Variants in UNC13C observed in about 807,000 individuals in gnomAD.
UNC13C encodes unc-13 homolog C.
In UNC13C, 174 loss-of-function variants were observed where a neutral mutation model predicts 245.4. The ratio of observed to expected loss-of-function variants is 0.71; its 90% CI spans 0.63 to 0.80. The LOEUF is 0.80. UNC13C is among the 30% of genes least tolerant of loss of function. The pLI is 0.00. For missense variants in UNC13C, 2,829 were observed against 2,602.9 expected (o/e 1.09, Z -1.89); for synonymous variants, 992 against 895.1 (o/e 1.11, Z -1.93).
At chr15:54,285,043 A>T (rs1371866017) in intron 10 of UNC13C, among the ~76,000 whole-genome samples, 1 of 152,156 alleles carries the variant, frequency 6.6e-6, no homozygotes, top group African/African-American at 2.4e-5. Flanking sequence ...CTTTGTTTCT[A>T]TGATCTGTTA....
chr15:54,060,558 G>A (rs1897769390), intron 2 of UNC13C, among the ~76,000 whole-genome samples: 1 of 152,196 alleles, frequency 6.6e-6, no homozygotes, highest in Non-Finnish European at 1.5e-5. Flanking sequence ...AAGTCGGTGT[G>A]GTGATTCCTC....
chr15:54,629,359 A>C (rs1901392055), downstream of UNC13C: 1 of 152,114 alleles, frequency 6.6e-6, no homozygotes, highest in African/African-American at 2.4e-5. Context: ...TGACAAAATA[A>C]TCTACACCAA....
intron 4 of UNC13C, among the ~76,000 whole-genome samples, chr15:54,205,125 G>C (rs941267360): frequency 6.6e-6 from 1 of 151,988 alleles, no homozygotes; most frequent in Non-Finnish European, 1.5e-5. Flanking sequence ...CTAACGGTCT[G>C]TTAAATCAGA....
At chr15:54,616,991 A>G (rs548337754) in intron 30 of UNC13C, among the ~76,000 whole-genome samples, 2 of 152,246 alleles carry the variant, frequency 1.3e-5, no homozygotes, top group South Asian at 2.1e-4. Flanking sequence ...TATTCAGTAC[A>G]GTAACATACT....
intron 29 of UNC13C, among the ~76,000 whole-genome samples, chr15:54,562,601 G>T (rs1040799808): frequency 1.1e-4 from 16 of 151,982 alleles, no homozygotes; most frequent in African/African-American, 3.9e-4. Flanking sequence ...AATTTTTGAT[G>T]AATGTGTCAA....
intron 19 of UNC13C, among the ~76,000 whole-genome samples, chr15:54,437,308 A>G (rs1407481627): frequency 6.6e-6 from 1 of 151,984 alleles, no homozygotes; most frequent in Admixed American, 6.6e-5. Context: ...CAAGCTTTAC[A>G]TACATATTCA....
At chr15:54,530,281 T>C (rs1290020690) in intron 25 of UNC13C, among the ~76,000 whole-genome samples, 1 of 152,132 alleles carries the variant, frequency 6.6e-6, no homozygotes, top group Non-Finnish European at 1.5e-5. Flanking sequence ...CTTCATGGAG[T>C]TGCCATTTGT....
At chr15:53,922,723 T>G in the UNC13C span, among the ~76,000 whole-genome samples, 1 of 152,198 alleles carries the variant, frequency 6.6e-6, no homozygotes, top group African/African-American at 2.4e-5. Context: ...CAACAGAGCA[T>G]GCAATATTGA....
intron 1 of UNC13C, among the ~76,000 whole-genome samples, chr15:54,005,076 G>C (rs544241618): frequency 6.6e-6 from 1 of 152,112 alleles, no homozygotes; most frequent in African/African-American, 2.4e-5. Flanking sequence ...GCTTCTTAAT[G>C]TTCTCTCTAC....
At chr15:53,856,360 C>T in the UNC13C span, among the ~76,000 whole-genome samples, 1 of 140,164 alleles carries the variant, frequency 7.1e-6, no homozygotes, top group South Asian at 2.4e-4. Flanking sequence ...TTTGTGTGCT[C>T]TTGGTTCTCT....
chr15:54,188,635 A>G (rs969924736), intron 4 of UNC13C, among the ~76,000 whole-genome samples: 5 of 152,130 alleles, frequency 3.3e-5, no homozygotes, highest in African/African-American at 7.2e-5. Context: ...TAAGTACACT[A>G]TTGCCTTGCT....
At chr15:54,226,273 C>A (rs149680277) in intron 4 of UNC13C, among the ~76,000 whole-genome samples, 33 of 152,154 alleles carry the variant, frequency 2.2e-4, no homozygotes, top group African/African-American at 7.7e-4. Flanking sequence ...CATTTTTTGT[C>A]ATTTCTCTTC....
chr15:54,065,639 G>C (rs1413921664), intron 2 of UNC13C, among the ~76,000 whole-genome samples: 1 of 152,150 alleles, frequency 6.6e-6, no homozygotes, highest in East Asian at 1.9e-4. Context: ...CTTTAGGGTG[G>C]CTTTGCCATC....
At chr15:54,463,159 G>A (rs1307839031) in intron 19 of UNC13C, among the ~76,000 whole-genome samples, 2 of 149,670 alleles carry the variant, frequency 1.3e-5, no homozygotes, top group Non-Finnish European at 3.0e-5. Context: ...TCTAGCTCAA[G>A]GTTTGTAAAC....
the UNC13C span, among the ~76,000 whole-genome samples, chr15:53,967,527 A>G: frequency 6.6e-6 from 1 of 152,034 alleles, no homozygotes; most frequent in African/African-American, 2.4e-5. Context: ...AGGATTTTAT[A>G]TCTTTGTTTG....
chr15:54,187,550 C>G (rs1236885071), intron 4 of UNC13C, among the ~76,000 whole-genome samples: 3 of 152,120 alleles, frequency 2.0e-5, no homozygotes, highest in Non-Finnish European at 2.9e-5. Context: ...TCTGATACCC[C>G]TCTGCTCAGA....
chr15:54,219,001 A>T (rs1461816482), intron 4 of UNC13C, among the ~76,000 whole-genome samples: 1 of 152,092 alleles, frequency 6.6e-6, no homozygotes, highest in Non-Finnish European at 1.5e-5. Flanking sequence ...AAGAATCAAT[A>T]TCGTGAAAAT....
At chr15:54,082,523 T>A (rs1185510275) in intron 2 of UNC13C, among the ~76,000 whole-genome samples, 1 of 152,170 alleles carries the variant, frequency 6.6e-6, no homozygotes, top group East Asian at 1.9e-4. Context: ...TTCTCTTGGA[T>A]CTCATTGAGT....
chr15:54,137,209 A>G (rs986393017), intron 2 of UNC13C, among the ~76,000 whole-genome samples: 3 of 152,152 alleles, frequency 2.0e-5, no homozygotes, highest in Non-Finnish European at 4.4e-5. Flanking sequence ...CCATTTGATC[A>G]TGGTGTATGA....
Sources: allele counts gnomAD v4.1 joint callset (sites outside exome capture counted in the v4.1 genomes callset), GRCh38; gene constraint gnomAD v4.1.1; transcripts MANE v1.5; gene names NCBI Gene and HGNC (gene_info 2026-07-23, HGNC 2026-07-21).